The following FBLN7 variants were observed in gnomAD, a reference collection of about 807,000 sequenced individuals.
FBLN7 encodes fibulin 7.
In FBLN7, 31 loss-of-function variants were observed where a neutral mutation model predicts 44.0. That is an observed-to-expected ratio of 0.70 (90% CI 0.53 to 0.95). The LOEUF (loss-of-function observed/expected upper bound fraction) is 0.95. Among genes scored for constraint, FBLN7 ranks in the 40% least tolerant of loss-of-function variants. FBLN7 has a pLI of 0.00. For missense variants in FBLN7, 573 were observed against 618.5 expected (o/e 0.93, Z 0.78); for synonymous variants, 262 against 253.4 (o/e 1.03, Z -0.32).
the FBLN7 span, among the ~76,000 whole-genome samples, chr2:112,193,651 G>A: frequency 6.6e-6 from 1 of 152,194 alleles, no homozygotes; most frequent in Non-Finnish European, 1.5e-5. Flanking sequence ...CTGTGGGTAT[G>A]GAGGGCCAAA....
intron 2 of FBLN7, among the ~76,000 whole-genome samples, chr2:112,163,272 A>G (rs2312695): frequency 0.023 from 3,435 of 152,286 alleles, 50 homozygotes; most frequent in Middle Eastern, 0.041. Flanking sequence ...ACGCTCCTTA[A>G]TGGCCTCTGG....
chr2:112,239,033 C>T, the FBLN7 span, among the ~76,000 whole-genome samples: 1 of 152,212 alleles, frequency 6.6e-6, no homozygotes, highest in Non-Finnish European at 1.5e-5. Context: ...TAGTCTTTCT[C>T]CTATAACTCA....
chr2:112,146,643 G>A (rs371376298), intron 1 of FBLN7, among the ~76,000 whole-genome samples: 61 of 146,478 alleles, frequency 4.2e-4, no homozygotes, highest in African/African-American at 9.9e-4. Flanking sequence ...GCTTTTCTGC[G>A]TTGACCTTGT....
rs1558880626 is a variant in FBLN7, at chr2:112,160,824, GCA to G, written c.235+991_235+992del. Among the ~76,000 whole-genome samples, 166 of 137,824 alleles carry G rather than the reference GCA, an allele frequency of 1.2e-3. 1 individual carries two copies. Among genetic ancestry groups the G allele is most frequent in the African/African-American group, 3.9e-3 (141 of 35,754 alleles). 90.4% of individuals were successfully genotyped at this position (137,824 alleles called of 152,430 possible). On this transcript the variant is annotated intron_variant, in intron 2 of 7. Coordinates refer to ENST00000331203, the MANE Select transcript of FBLN7 (RefSeq NM_153214.3). ...CGCACGCACACACACGCACACACAA[GCA>G]CGCATACACGCACGCACACGCGCAC...
the FBLN7 span, among the ~76,000 whole-genome samples, chr2:112,221,806 A>G: frequency 2.0e-5 from 3 of 152,070 alleles, no homozygotes; most frequent in Admixed American, 1.3e-4. Context: ...TGGGTTGACT[A>G]TCTCCTGTAT....
At chr2:112,223,237 C>T in the FBLN7 span, among the ~76,000 whole-genome samples, 16,579 of 151,124 alleles carry the variant, frequency 0.11, 1,190 homozygotes, top group Non-Finnish European at 0.16. Context: ...TGCACATGTA[C>T]CCTAGAACTT....
chr2:112,206,733 G>GTTT, the FBLN7 span, among the ~76,000 whole-genome samples: 211 of 123,010 alleles, frequency 1.7e-3, 3 homozygotes, highest in African/African-American at 5.5e-3. Context: ...CTTATTGACT[G>GTTT]TTTTTTTTTT....
chr2:112,213,662 G>GCTACTT, the FBLN7 span: 1 of 150,572 alleles, frequency 6.6e-6, no homozygotes, highest in African/African-American at 2.4e-5. Flanking sequence ...TGTAGTCCCA[G>GCTACTT]CTACTTGGGA....
In FBLN7 at chr2:112,149,513, C is replaced by T. The variant is rs969050803; in HGVS notation, c.76-10163C>T. Among the ~76,000 whole-genome samples the T allele has an allele frequency of 3.9e-5, 6 of 152,096 alleles. No individual in the cohort carries two copies. The East Asian group carries it at 5.8e-4, about 15-fold the overall frequency. The stretch of plus-strand genomic sequence containing the variant: ...TGGCTCAGACCTGCCTCTCAGCCAG[C>T]GGTGCCAGGATCAGGGTCCATTGTT... On this transcript the variant is annotated intron_variant, in intron 1 of 7. Coordinates refer to ENST00000331203, the MANE Select transcript of FBLN7 (RefSeq NM_153214.3).
the FBLN7 span, among the ~76,000 whole-genome samples, chr2:112,193,685 G>T: frequency 1.3e-5 from 2 of 152,156 alleles, no homozygotes; most frequent in Admixed American, 1.3e-4. Flanking sequence ...CGTCACTTGG[G>T]TGTTGCAAAC....
chr2:112,141,475 C>G (rs564239555), intron 1 of FBLN7, among the ~76,000 whole-genome samples: 12 of 152,236 alleles, frequency 7.9e-5, no homozygotes, highest in African/African-American at 2.4e-4. Flanking sequence ...TTGGCTCAGA[C>G]GAGACGTGGT....
intron 1 of FBLN7, among the ~76,000 whole-genome samples, chr2:112,146,423 C>T (rs1366525994): frequency 6.6e-6 from 1 of 152,214 alleles, no homozygotes; most frequent in Non-Finnish European, 1.5e-5. Context: ...CTTAAATGTA[C>T]TGAGTCTTCC....
chr2:112,151,205 C>G (rs1338505158), intron 1 of FBLN7: 1 of 152,262 alleles, frequency 6.6e-6, no homozygotes, highest in Non-Finnish European at 1.5e-5. Flanking sequence ...AGGGAAGGGT[C>G]AAATGATGGC....
At chr2:112,171,463 A>C (rs986048730) in intron 3 of FBLN7, among the ~76,000 whole-genome samples, 1 of 152,078 alleles carries the variant, frequency 6.6e-6, no homozygotes, top group Non-Finnish European at 1.5e-5. Context: ...GCTTCAGTCC[A>C]CCTCACCTTC....
At chr2:112,236,380 TG>T in the FBLN7 span, among the ~76,000 whole-genome samples, 17 of 152,272 alleles carry the variant, frequency 1.1e-4, no homozygotes, top group Non-Finnish European at 2.1e-4. Flanking sequence ...AAAAGAAAGC[TG>T]CAATAAGAAG....
At chr2:112,162,135 C>T (rs1681909255) in intron 2 of FBLN7, among the ~76,000 whole-genome samples, 1 of 151,780 alleles carries the variant, frequency 6.6e-6, no homozygotes. Context: ...TCACCTCAGC[C>T]TCCTAGGTAG....
chr2:112,153,979 C>T (rs530791856), intron 1 of FBLN7, among the ~76,000 whole-genome samples: 55 of 152,286 alleles, frequency 3.6e-4, no homozygotes, highest in African/African-American at 1.2e-3. Flanking sequence ...CACTGGTCTG[C>T]GTCTTCCAGA....
the FBLN7 span, among the ~76,000 whole-genome samples, chr2:112,217,852 GA>G: frequency 2.0e-5 from 3 of 152,064 alleles, no homozygotes; most frequent in Admixed American, 6.5e-5. Context: ...ATCTATATCT[GA>G]AAAAAAATGT....
chr2:112,228,151 G>T, the FBLN7 span, among the ~76,000 whole-genome samples: 1 of 152,162 alleles, frequency 6.6e-6, no homozygotes, highest in African/African-American at 2.4e-5. Context: ...TTTATAGTCA[G>T]CTGATTTTTG....
Sources: allele counts gnomAD v4.1 joint callset (sites outside exome capture counted in the v4.1 genomes callset), GRCh38; gene constraint gnomAD v4.1.1; transcripts MANE v1.5; gene names NCBI Gene and HGNC (gene_info 2026-07-23, HGNC 2026-07-21).